DIP2C: variants seen among roughly 807,000 people sequenced by gnomAD.
DIP2C encodes DIP2 acetate--CoA ligase C (putative), also known as disco-interacting protein 2 homolog C.
Under a neutral mutation model 192.4 loss-of-function variants are expected in DIP2C, and 33 were observed. The ratio of observed to expected loss-of-function variants is 0.17; its 90% CI spans 0.13 to 0.23. DIP2C has a LOEUF of 0.23. DIP2C is among the 10% of genes least tolerant of loss of function. DIP2C has a pLI of 1.00. For synonymous variants in DIP2C, 979 were observed against 864.1 expected (o/e 1.13, Z -2.33); for missense variants, 1,537 against 2,110.1 (o/e 0.73, Z 5.32).
intron 18 of DIP2C, among the ~76,000 whole-genome samples, chr10:367,160 G>C (rs550481276): frequency 6.6e-6 from 1 of 152,232 alleles, no homozygotes; most frequent in Non-Finnish European, 1.5e-5. Flanking sequence ...GCTCACGCCT[G>C]TAATCCCAGT....
intron 10 of DIP2C, among the ~76,000 whole-genome samples, chr10:397,314 G>C (rs540799097): frequency 6.4e-4 from 97 of 152,282 alleles, no homozygotes; most frequent in Non-Finnish European, 1.2e-3. Flanking sequence ...CAGATCACCT[G>C]AGGTCAGGAG....
At chr10:478,468 CG>C (rs971785364) in intron 2 of DIP2C, among the ~76,000 whole-genome samples, 1 of 150,608 alleles carries the variant, frequency 6.6e-6, no homozygotes, top group Non-Finnish European at 1.5e-5. Context: ...ATCTCATGTC[CG>C]GGCATGCCGG....
chr10:580,942 T>C (rs192030515), intron 1 of DIP2C, among the ~76,000 whole-genome samples: 1 of 143,678 alleles, frequency 7.0e-6, no homozygotes, highest in East Asian at 2.0e-4. Flanking sequence ...TAGAAGTGTG[T>C]CCTCATGTTT....
rs560917350 is a variant in DIP2C at position 306,666 on chromosome 10, C to T, written c.3986+3365G>A. Among the ~76,000 whole-genome samples, 13 of 152,334 alleles carry T rather than the reference C, an allele frequency of 8.5e-5. No homozygotes were observed. In the South Asian group the frequency reaches 2.7e-3, roughly 32 times the overall value. On this transcript the variant is annotated intron_variant, in intron 32 of 36. Coordinates refer to ENST00000280886, the MANE Select transcript of DIP2C (RefSeq NM_014974.3). ...GCTTTTAGTGGCTCTCATTTCACTG[C>T]CTCCCGACTGCTGGCCTTGGACTGT...
intron 3 of DIP2C, among the ~76,000 whole-genome samples, chr10:446,952 T>C (rs1399442181): frequency 6.6e-6 from 1 of 152,236 alleles, no homozygotes; most frequent in African/African-American, 2.4e-5. Context: ...GTTGTGATAT[T>C]CATATCCCTT....
At chr10:471,964 C>T (rs1021020672) in intron 3 of DIP2C, among the ~76,000 whole-genome samples, 4 of 152,144 alleles carry the variant, frequency 2.6e-5, no homozygotes, top group Non-Finnish European at 5.9e-5. Context: ...GCTGGCCAAG[C>T]CCAGGTGGCA....
At chr10:661,379 G>A (rs944793869) in intron 1 of DIP2C, among the ~76,000 whole-genome samples, 17 of 152,112 alleles carry the variant, frequency 1.1e-4, no homozygotes, top group Non-Finnish European at 2.1e-4. Flanking sequence ...CTTGGTCCAC[G>A]GCTGGCTACC....
In DIP2C at chr10:471,541, T is replaced by C. The variant is rs1190419208; in HGVS notation, c.268+898A>G. 6.6e-5 allele frequency among the ~76,000 whole-genome samples: 10 copies of C among 152,154 alleles called. 1 individual carries two copies. Among genetic ancestry groups the C allele is most frequent in the Admixed American group, 5.9e-4 (9 of 15,278 alleles). On this transcript the variant is annotated intron_variant, in intron 3 of 36. Transcript: ENST00000280886. ...TCACCTGCTTATCATGAAAGCTCCA[T>C]GTGAGAACAATGTGAGGATGCCAGT...
intron 1 of DIP2C, among the ~76,000 whole-genome samples, chr10:490,641 C>T (rs1307560403): frequency 1.3e-5 from 2 of 152,222 alleles, no homozygotes; most frequent in African/African-American, 2.4e-5. Context: ...CCTGCTTCCA[C>T]ATCAAGGTAC....
At chr10:397,229 A>T (rs1964059010) in intron 10 of DIP2C, among the ~76,000 whole-genome samples, 1 of 152,180 alleles carries the variant, frequency 6.6e-6, no homozygotes, top group Non-Finnish European at 1.5e-5. Flanking sequence ...CTGTGCACAC[A>T]TTAAAGATGT....
chr10:333,848 G>T (rs1255375797), intron 29 of DIP2C, among the ~76,000 whole-genome samples: 3 of 152,188 alleles, frequency 2.0e-5, no homozygotes, highest in Non-Finnish European at 4.4e-5. Flanking sequence ...CAGCATTCTA[G>T]TGGGTGTGAA....
At chr10:407,911 C>G (rs777558365) in intron 9 of DIP2C, among the ~76,000 whole-genome samples, 1 of 152,200 alleles carries the variant, frequency 6.6e-6, no homozygotes, top group Non-Finnish European at 1.5e-5. Flanking sequence ...CTTTGATATA[C>G]AAACATGTTT....
In DIP2C at chr10:568,781, AAAAAAAAAAAAAAAAAAC is replaced by A. The variant is rs1260902872; in HGVS notation, c.86-82269_86-82252del. ...ACTCCGTCTCAAAAAAAAAAAAAAAAAAAAAAAAAAAAAAAAACCTTCACTTGATCTGCAAGATGGCTG... is the reference window on the plus strand; with the variant it reads ...ACTCCGTCTCAAAAAAAAAAAAAAAACTTCACTTGATCTGCAAGATGGCTG... On this transcript the variant is annotated intron_variant, in intron 1 of 36. Coordinates refer to ENST00000280886, the MANE Select transcript of DIP2C (RefSeq NM_014974.3). 3.2e-4 allele frequency among the ~76,000 whole-genome samples: 47 copies of A among 146,412 alleles called. 3 individuals are homozygous for A. In the Middle Eastern group the frequency reaches 0.01, roughly 33 times the overall value.
chr10:310,215 C>A, intron 31 of DIP2C, 123 bp from the exon 32 acceptor site: 1 of 899,334 alleles, frequency 1.1e-6, no homozygotes, highest in South Asian at 1.6e-5. Flanking sequence ...ACTAAAAACA[C>A]TTAGACCAGC....
At chr10:472,126 A>G (rs1162602329) in intron 3 of DIP2C, among the ~76,000 whole-genome samples, 5 of 152,238 alleles carry the variant, frequency 3.3e-5, no homozygotes, top group Non-Finnish European at 7.3e-5. Flanking sequence ...AGAAAAAACT[A>G]TACTAGCAAC....
At chr10:367,156 G>A (rs770644950) in intron 18 of DIP2C, among the ~76,000 whole-genome samples, 34 of 152,164 alleles carry the variant, frequency 2.2e-4, no homozygotes, top group Non-Finnish European at 3.7e-4. Context: ...GGTGGCTCAC[G>A]CCTGTAATCC....
intron 1 of DIP2C, among the ~76,000 whole-genome samples, chr10:553,052 C>T (rs1230436573): frequency 6.6e-6 from 1 of 152,208 alleles, no homozygotes; most frequent in African/African-American, 2.4e-5. Flanking sequence ...TTTTGCCTCC[C>T]ACACAGACCT....
At position 423,770 on chromosome 10, in the gene DIP2C, T is replaced by C. The variant is rs189420210; in HGVS notation, c.395-737A>G. 1.1e-3 allele frequency among the ~76,000 whole-genome samples: 168 copies of C among 152,230 alleles called. 1 individual carries two copies. The highest frequency in any genetic ancestry group is 6.2e-4 in the South Asian group (3 of 4,832). On this transcript the variant is annotated intron_variant, in intron 4 of 36. Transcript: ENST00000280886. ...TACAGTTCCTTAAGGATCAAGACAC[T>C]GATGATGGTAACAGGAGAGAAAGCA...
chr10:507,678 A>G (rs756899999), intron 1 of DIP2C, among the ~76,000 whole-genome samples: 2 of 152,242 alleles, frequency 1.3e-5, no homozygotes, highest in Non-Finnish European at 2.9e-5. Flanking sequence ...TCCGTCTTTG[A>G]AAACGATACA....
Sources: allele counts gnomAD v4.1 joint callset (sites outside exome capture counted in the v4.1 genomes callset), GRCh38; gene constraint gnomAD v4.1.1; transcripts MANE v1.5; gene names NCBI Gene and HGNC (gene_info 2026-07-23, HGNC 2026-07-21).